OR8J1: variants seen among roughly 807,000 people sequenced by gnomAD.
OR8J1 encodes the protein olfactory receptor 8J1.
For missense variants in OR8J1, 400 were observed against 373.0 expected (o/e 1.07, Z -0.60); for synonymous variants, 157 against 144.3 (o/e 1.09, Z -0.63).
rs114654324 is a variant in OR8J1, at chr11:56,361,420, G to T, written c.*223G>T. 6 of 383,784 alleles carry T rather than the reference G, an allele frequency of 1.6e-5. No individual in the cohort carries two copies. Among genetic ancestry groups the T allele is most frequent in the Admixed American group, 8.9e-5 (2 of 22,370 alleles). The allele number at this position is 383,784 out of a possible 1,614,324, so 23.8% of individuals were successfully genotyped here. ...AAAAAAAATGTTATTTACCAATTCT[G>T]CCTGGGATTAAGCAGGTAGACAGTT... On this transcript the variant is annotated 3_prime_UTR_variant, in exon 2 of 2. Transcript: ENST00000533152.
intron 1 of OR8J1, among the ~76,000 whole-genome samples, chr11:56,358,785 GA>G (rs1475153797): frequency 6.6e-6 from 1 of 151,994 alleles, no homozygotes; most frequent in Non-Finnish European, 1.5e-5. Context: ...TAAAACAAGG[GA>G]TAACTAGTTT....
intron 1 of OR8J1, chr11:56,357,625 C>T: frequency 1.4e-6 from 2 of 1,385,696 alleles, no homozygotes; most frequent in Non-Finnish European, 2.0e-6. Context: ...GCCTATTGTA[C>T]TTGCCTGCTG....
intron 1 of OR8J1, among the ~76,000 whole-genome samples, chr11:56,357,172 C>A (rs774109122): frequency 5.3e-5 from 8 of 152,068 alleles, no homozygotes; most frequent in Admixed American, 1.3e-4. Flanking sequence ...CTTTTTCAAT[C>A]CTATAATTCA....
chr11:56,359,647 G>A (rs7951679), intron 1 of OR8J1, among the ~76,000 whole-genome samples: 4,575 of 152,068 alleles, frequency 0.03, 224 homozygotes, highest in African/African-American at 0.1. Flanking sequence ...AAAAATAAAT[G>A]TGAGGGCATA....
intron 1 of OR8J1, chr11:56,357,541 T>A (rs1854986152): frequency 6.9e-6 from 6 of 864,508 alleles, no homozygotes. Flanking sequence ...GAGGGGAATG[T>A]GATAGTCCGC....
rs776758363 is a variant in OR8J1, at chr11:56,361,087, T to G, written c.841T>G (p.Leu281Val). 6.6e-7 allele frequency: 1 copy of G among 1,518,564 alleles called. No homozygotes were observed. The highest frequency in any genetic ancestry group is 2.3e-5 in the Admixed American group (1 of 43,454). The allele number at this position is 1,518,564 out of a possible 1,614,324, so 94.1% of individuals were successfully genotyped here. A position where few individuals can be genotyped will look rare whatever the true frequency, so the allele number is the denominator to read the frequency against. Residue 281 changes from leucine to valine, a missense_variant, in exon 2 of 2, where the codon TTG becomes GTG. Coordinates refer to ENST00000533152, the MANE Select transcript of OR8J1 (RefSeq NM_001005205.3). The part of the protein sequence containing the change: ...DDKMASVFYT[L>V]VIPMLNPLIY... The stretch of plus-strand genomic sequence containing the variant: ...TAAGATGGCTTCTGTGTTTTACACG[T>G]TGGTAATTCCTATGCTGAATCCCTT...
intron 1 of OR8J1, among the ~76,000 whole-genome samples, chr11:56,359,302 T>C (rs1395383496): frequency 6.6e-6 from 1 of 151,898 alleles, no homozygotes; most frequent in Non-Finnish European, 1.5e-5. Flanking sequence ...ATTGTAGTTA[T>C]CACAGAAAGT....
chr11:56,360,327 C>A lies in OR8J1; in HGVS notation c.81C>A (p.Leu27=), dbSNP rs1469917087. The change falls in exon 2 of 2, where the codon CTC becomes CTA. Residue 27 remains leucine, a synonymous_variant. Transcript: ENST00000533152. ...VSSCPELQIP[L]FLVFLVLYGL... is the part of the protein sequence containing the mutation. ...GCTGTCCAGAGCTCCAGATTCCCCT[C>A]TTCCTGGTCTTTCTGGTGCTCTATG... The A allele has an allele frequency of 6.2e-7, 1 of 1,611,796 alleles. No individual in the cohort carries two copies. The highest frequency in any genetic ancestry group is 1.3e-5 in the African/African-American group (1 of 74,900).
At chr11:56,354,633 T>C (rs549241816) in intron 1 of OR8J1, among the ~76,000 whole-genome samples, 1 of 152,298 alleles carries the variant, frequency 6.6e-6, no homozygotes, top group Non-Finnish European at 1.5e-5. Context: ...TATATCATGG[T>C]TGTATTATTG....
At chr11:56,358,089 A>G in intron 1 of OR8J1, 1 of 533,564 alleles carries the variant, frequency 1.9e-6, no homozygotes, top group African/African-American at 1.9e-5. Flanking sequence ...CAGTTTATGA[A>G]AAGAAGCCCA....
intron 1 of OR8J1, among the ~76,000 whole-genome samples, chr11:56,355,086 A>G (rs867868662): frequency 6.6e-6 from 1 of 152,058 alleles, no homozygotes; most frequent in Non-Finnish European, 1.5e-5. Context: ...AAAAAAACTC[A>G]TTGCCTGGGT....
rs1009078232 is a variant in OR8J1 at position 56,359,160 on chromosome 11, G to C, written c.-20-1067G>C. On this transcript the variant is annotated intron_variant, in intron 1 of 1. Coordinates refer to ENST00000533152, the MANE Select transcript of OR8J1 (RefSeq NM_001005205.3). ...TTCTTTGGGCCAGGTGTCCACAACAGGGGAACTATAAATTGTAGCAGAGAC... is the reference window on the plus strand; with the variant it reads ...TTCTTTGGGCCAGGTGTCCACAACACGGGAACTATAAATTGTAGCAGAGAC... Among the ~76,000 whole-genome samples, 7 of 152,010 alleles carry C rather than the reference G, an allele frequency of 4.6e-5. No homozygotes were observed. In the East Asian group the frequency reaches 7.7e-4, roughly 17 times the overall value.
rs1852620837 is a variant in OR8J1 at position 56,360,526 on chromosome 11, T to C, written c.280T>C (p.Phe94Leu). 1 of 1,614,192 alleles carries C rather than the reference T, an allele frequency of 6.2e-7. No individual in the cohort carries two copies. The highest frequency in any genetic ancestry group is 8.5e-7 in the Non-Finnish European group (1 of 1,180,030). Residue 94 changes from phenylalanine to leucine, a missense_variant, in exon 2 of 2, where the codon TTC (phenylalanine) becomes CTC (leucine). Physicochemically the swap from Phe to Leu is conservative, Grantham distance 22. Coordinates refer to ENST00000533152, the MANE Select transcript of OR8J1 (RefSeq NM_001005205.3). Reference sequence around the variant, plus strand: ...TTTAGTAAAGAAGAAAACTACCTCATTCTATGAATGTGCCACCCAACTGGG... The same window carrying C: ...TTTAGTAAAGAAGAAAACTACCTCACTCTATGAATGTGCCACCCAACTGGG... Reference protein sequence around the residue: ...NFLVKKKTTSFYECATQLGGF... With the variant: ...NFLVKKKTTSLYECATQLGGF...
chr11:56,359,057 T>C (rs1220530410), intron 1 of OR8J1, among the ~76,000 whole-genome samples: 1 of 152,084 alleles, frequency 6.6e-6, no homozygotes, highest in East Asian at 1.9e-4. Context: ...GATTTTAAAA[T>C]TCAGGCATTT....
intron 1 of OR8J1, chr11:56,357,887 G>A: frequency 1.1e-6 from 1 of 872,768 alleles, no homozygotes; most frequent in Admixed American, 1.7e-5. Flanking sequence ...CTGAAAGCAA[G>A]GGATTTAATG....
intron 1 of OR8J1, among the ~76,000 whole-genome samples, chr11:56,354,718 A>T (rs1361456792): frequency 6.6e-6 from 1 of 152,204 alleles, no homozygotes; most frequent in Non-Finnish European, 1.5e-5. Context: ...CATCTACCCA[A>T]AGTCAAAATG....
intron 1 of OR8J1, chr11:56,358,006 A>G: frequency 1.2e-6 from 1 of 842,994 alleles, no homozygotes; most frequent in Non-Finnish European, 1.9e-6. Context: ...CTCTCAATAT[A>G]TAAAGAACAG....
At chr11:56,360,168 T>C in intron 1 of OR8J1, 59 bp from the exon 2 acceptor site, 1 of 1,134,480 alleles carries the variant, frequency 8.8e-7, no homozygotes, top group Non-Finnish European at 1.3e-6. Flanking sequence ...CCTAGCCATA[T>C]AAGGGCAGTC....
rs181012581 is a variant in OR8J1, at chr11:56,360,585, C to G, written c.339C>G (p.Ile113Met). 42 of 1,614,016 alleles carry G rather than the reference C, an allele frequency of 2.6e-5. No homozygotes were observed. In the East Asian group the frequency reaches 6.0e-4, roughly 23 times the overall value. ...GFLFFIVSEV[I>M]MLALMAYDRY... ...TGTTCTTTATTGTATCGGAGGTAAT[C>G]ATGCTGGCTTTGATGGCCTATGACC... Residue 113 changes from isoleucine (I) to methionine (M), a missense_variant, in exon 2 of 2, where the codon ATC (isoleucine) becomes ATG (methionine). By Grantham distance (10) the Ile-to-Met change is conservative. Transcript: ENST00000533152.
Sources: allele counts gnomAD v4.1 joint callset (sites outside exome capture counted in the v4.1 genomes callset), GRCh38; gene constraint gnomAD v4.1.1; transcripts MANE v1.5; gene names NCBI Gene and HGNC (gene_info 2026-07-23, HGNC 2026-07-21).